Variants in GRHL2 observed in about 807,000 individuals in gnomAD.
The protein encoded by GRHL2 is grainyhead-like protein 2 homolog.
Under a neutral mutation model 83.8 loss-of-function variants are expected in GRHL2, and 21 were observed. That is an observed-to-expected ratio of 0.25 (90% CI 0.18 to 0.36). The LOEUF (loss-of-function observed/expected upper bound fraction) is 0.36, where lower values mean the gene tolerates loss of function less well. Ranked by LOEUF, GRHL2 falls within the 10% of genes least tolerant of loss-of-function variation. The probability of loss-of-function intolerance (pLI) is 1.00; values close to 1 mark genes in which losing one functional copy is unlikely to be tolerated. For synonymous variants in GRHL2, 280 were observed against 278.9 expected, an observed-to-expected ratio of 1.00 and a Z score of -0.04; for missense variants, 623 against 781.8, an observed-to-expected ratio of 0.80 and a Z score of 2.42.
At chr8:101,564,010 T>C (rs1297543171) in intron 4 of GRHL2, among the ~76,000 whole-genome samples, 1 of 152,216 alleles carries the variant, frequency 6.6e-6, no homozygotes, top group Non-Finnish European at 1.5e-5. Context: ...TTATCAGTTA[T>C]GTTTGTTGTT....
chr8:101,640,406 G>A (rs1230167279), intron 12 of GRHL2, among the ~76,000 whole-genome samples: 1 of 152,128 alleles, frequency 6.6e-6, no homozygotes, highest in African/African-American at 2.4e-5. Context: ...GAGGGAGATA[G>A]AGATGAAAAG....
At chr8:101,671,362 T>C (rs970346549), downstream of GRHL2, among the ~76,000 whole-genome samples, 14 of 152,196 alleles carry the variant, frequency 9.2e-5, no homozygotes, top group Admixed American at 5.2e-4. Context: ...CAGGAGATTA[T>C]ATCCCGCACG....
chr8:101,645,652 G>A (rs1318132162), intron 13 of GRHL2, among the ~76,000 whole-genome samples: 5 of 152,072 alleles, frequency 3.3e-5, no homozygotes, highest in Non-Finnish European at 7.4e-5. Context: ...ACCTCATAGA[G>A]CTGTGTGAGG....
At chr8:101,673,345 G>T (rs1340777101), downstream of GRHL2, among the ~76,000 whole-genome samples, 1 of 151,926 alleles carries the variant, frequency 6.6e-6, no homozygotes, top group African/African-American at 2.4e-5. Context: ...CAAAATAAAG[G>T]GATGGAGGAA....
At position 101,577,442 on chromosome 8, in the gene GRHL2, A is replaced by G. The variant is rs747364242; in HGVS notation, c.926A>G (p.Asn309Ser). The change falls in exon 7 of 16, where the codon AAC becomes AGC. Residue 309 changes from asparagine to serine, a missense_variant. Physicochemically the swap from Asn to Ser is conservative, Grantham distance 46. Around this residue, in one of 8 missense-constraint regions of GRHL2, gnomAD observed 96 missense variants for 144.8 expected, o/e 0.66. Transcript: ENST00000646743. The part of the protein sequence containing the change: ...VVMVVFSEDK[N>S]RDEQLKYWKY... ...ATGGTGGTCTTCAGTGAAGACAAAA[A>G]CAGAGATGAACAGCTCAAATACTGG... The G allele has an allele frequency of 6.2e-7, 1 of 1,614,062 alleles. No individual in the cohort carries two copies. The highest frequency in any genetic ancestry group is 8.5e-7 in the Non-Finnish European group (1 of 1,179,930).
At chr8:101,662,160 T>C (rs2129758106) in intron 14 of GRHL2, among the ~76,000 whole-genome samples, 1 of 152,352 alleles carries the variant, frequency 6.6e-6, no homozygotes, top group Non-Finnish European at 1.5e-5. Context: ...AGTGCTCTTT[T>C]ATGTTCTGTT....
chr8:101,605,742 C>T (rs1047693776), intron 8 of GRHL2, among the ~76,000 whole-genome samples: 5 of 152,230 alleles, frequency 3.3e-5, no homozygotes, highest in East Asian at 1.9e-4. Flanking sequence ...CACTCTTCAA[C>T]GGAGCATTTG....
downstream of GRHL2, chr8:101,669,833 A>C (rs1387731607): frequency 6.6e-6 from 1 of 152,210 alleles, no homozygotes; most frequent in Non-Finnish European, 1.5e-5. Context: ...CCCTGCCTTC[A>C]GGTCCTGGGC....
At chr8:101,557,780 T>G (rs1453556183) in intron 3 of GRHL2, among the ~76,000 whole-genome samples, 1 of 152,194 alleles carries the variant, frequency 6.6e-6, no homozygotes, top group African/African-American at 2.4e-5. Flanking sequence ...GATCGCTTCT[T>G]TTTGATGTTG....
intron 7 of GRHL2, among the ~76,000 whole-genome samples, chr8:101,597,094 A>C (rs1480683947): frequency 6.6e-6 from 1 of 152,162 alleles, no homozygotes; most frequent in African/African-American, 2.4e-5. Context: ...AAGTAGAGAG[A>C]AAAAGGGAAA....
intron 12 of GRHL2, among the ~76,000 whole-genome samples, chr8:101,641,452 C>T (rs754261892): frequency 1.3e-5 from 2 of 152,140 alleles, no homozygotes; most frequent in African/African-American, 2.4e-5. Context: ...TGAGCACCTC[C>T]TCAGTAGGCA....
chr8:101,642,376 T>C (rs765517589), intron 12 of GRHL2, among the ~76,000 whole-genome samples: 12 of 152,140 alleles, frequency 7.9e-5, no homozygotes, highest in Non-Finnish European at 1.6e-4. Flanking sequence ...TATAAATAAA[T>C]CTTGCTTGGT....
chr8:101,591,727 G>A (rs1812286688), intron 7 of GRHL2, among the ~76,000 whole-genome samples: 1 of 152,204 alleles, frequency 6.6e-6, no homozygotes, highest in Non-Finnish European at 1.5e-5. Context: ...GCTGATTCCT[G>A]CTTCATAGAG....
At chr8:101,495,225 C>G (rs1017917861) in intron 1 of GRHL2, among the ~76,000 whole-genome samples, 1 of 152,178 alleles carries the variant, frequency 6.6e-6, no homozygotes, top group African/African-American at 2.4e-5. Flanking sequence ...CGAGGCCTGC[C>G]TGTAGTTTCT....
At chr8:101,621,642 T>G (rs1348470193) in intron 9 of GRHL2, among the ~76,000 whole-genome samples, 1 of 152,194 alleles carries the variant, frequency 6.6e-6, no homozygotes, top group Admixed American at 6.5e-5. Flanking sequence ...ACACCTGTAA[T>G]TCCAGCACTT....
chr8:101,607,837 TGGATGTTA>T (rs1812662949), intron 8 of GRHL2, among the ~76,000 whole-genome samples: 1 of 151,936 alleles, frequency 6.6e-6, no homozygotes, highest in African/African-American at 2.4e-5. Flanking sequence ...TATAAGGTAA[TGGATGTTA>T]GGAAAAGCTA....
At chr8:101,562,155 G>C (rs867640203) in intron 4 of GRHL2, 1 of 630,596 alleles carries the variant, frequency 1.6e-6, no homozygotes, top group Admixed American at 2.0e-5. Flanking sequence ...ATTTTTCTTC[G>C]ATCTGTTCAT....
chr8:101,594,266 C>T (rs1812348873), intron 7 of GRHL2, among the ~76,000 whole-genome samples: 1 of 152,046 alleles, frequency 6.6e-6, no homozygotes, highest in Non-Finnish European at 1.5e-5. Flanking sequence ...TTGTTCAAAG[C>T]CACCATGTTT....
At chr8:101,499,068 G>A (rs1276107018) in intron 1 of GRHL2, among the ~76,000 whole-genome samples, 13 of 140,148 alleles carry the variant, frequency 9.3e-5, no homozygotes, top group East Asian at 4.2e-4. Flanking sequence ...GCAAGACTCC[G>A]TCTCAAAAAA....
Sources: gnomAD v4.1 joint callset for allele counts (sites outside exome capture counted in the v4.1 genomes callset) on GRCh38, gnomAD v4.1.1 for gene constraint, gnomAD v4.1.1 regional missense constraint, MANE v1.5 for transcripts, NCBI Gene and HGNC (gene_info 2026-07-23, HGNC 2026-07-21) for gene names.